The following TUBB4A variants were observed in gnomAD, a reference collection of about 807,000 sequenced individuals.
TUBB4A encodes the protein tubulin beta 4A class IVa.
TUBB4A carries 13 observed loss-of-function variants against 35.1 expected under a neutral mutation model. The ratio of observed to expected loss-of-function variants is 0.37; its 90% CI spans 0.24 to 0.59. The LOEUF is 0.59. TUBB4A is among the 20% of genes least tolerant of loss of function. The pLI, the probability that TUBB4A is intolerant of heterozygous loss-of-function variation, is 0.71. For missense variants in TUBB4A, 299 were observed against 647.2 expected (o/e 0.46, Z 5.84); for synonymous variants, 279 against 272.4 (o/e 1.02, Z -0.24).
chr19:6,502,180 C>T lies in TUBB4A; in HGVS notation c.33G>A (p.Gln11=). MREIVHLQAG[Q]CGNQIGAKFW... is the part of the protein sequence containing the mutation. Reference sequence around the variant, plus strand: ...CCTTGGCCCCGATCTGGTTGCCGCACTGGCCGGCCTGCAGGTGCACGATCT... The same window carrying T: ...CCTTGGCCCCGATCTGGTTGCCGCATTGGCCGGCCTGCAGGTGCACGATCT... The change falls in exon 1 of 4, where the codon CAG becomes CAA. Residue 11 remains glutamine (Q), a synonymous_variant. Coordinates refer to ENST00000264071, the MANE Select transcript of TUBB4A (RefSeq NM_006087.4). 1 of 1,576,460 alleles carries T rather than the reference C, an allele frequency of 6.3e-7. No individual in the cohort carries two copies.
rs1384069433 is a variant in TUBB4A, at chr19:6,502,254, C to G, written c.-42G>C. On this transcript the variant is annotated 5_prime_UTR_variant, in exon 1 of 4. Transcript: ENST00000264071. ...GTGGACGCGGCGGCGGTGGCACGAG[C>G]GCGGGGAGCTGCGGCGGCGGCGAGG... The G allele has an allele frequency of 1.3e-6, 2 of 1,489,232 alleles. No homozygotes were observed. Among genetic ancestry groups the G allele is most frequent in the East Asian group, 2.8e-5 (1 of 36,310 alleles). 92.3% of individuals were successfully genotyped at this position (1,489,232 alleles called of 1,614,324 possible).
Position 6,495,928 on chromosome 19 carries a change from G to A in TUBB4A, c.571C>T (p.Gln191Ter), listed in dbSNP as rs1376427129. 6.2e-7 allele frequency: 1 copy of A among 1,614,098 alleles called. No homozygotes were observed. Among genetic ancestry groups the A allele is most frequent in the Non-Finnish European group, 8.5e-7 (1 of 1,180,044 alleles). Residue 191 changes from glutamine (Q) to a stop codon, truncating the protein, a stop_gained, in exon 4 of 4, where the codon CAG (glutamine) becomes TAG (stop). Coordinates refer to ENST00000264071, the MANE Select transcript of TUBB4A (RefSeq NM_006087.4). LOFTEE classifies it high-confidence loss of function. The surrounding 1 kb of genome is among the most constrained non-coding windows in gnomAD (Gnocchi z 8.7). ...GTCTCATCCGTATTCTCCACCAGCT[G>A]GTGCACAGACAGCGTGGCGTTGTAG... is the stretch of plus-strand genomic sequence containing the variant. ...EPYNATLSVHQLVENTDETYC... is the reference protein window; with the variant it reads ...EPYNATLSVH
At chr19:6,497,024 AATATATATATATATAT>A (rs1192524805) in intron 3 of TUBB4A, among the ~76,000 whole-genome samples, 422 of 21,996 alleles carry the variant, frequency 0.019, 14 homozygotes, top group African/African-American at 0.064. Context: ...AAAAAAAAAA[AATATATATATATATAT>A]ATATATATAT....
In TUBB4A at chr19:6,501,626, A is replaced by G. The variant is rs202169856; in HGVS notation, c.58-3T>C. 1.2e-6 allele frequency: 2 copies of G among 1,611,564 alleles called. No homozygotes were observed. The highest frequency in any genetic ancestry group is 1.7e-5 in the Admixed American group (1 of 59,850). On this transcript the variant is annotated splice_region_variant and splice_polypyrimidine_tract_variant and intron_variant, in intron 1 of 3. Coordinates refer to ENST00000264071, the MANE Select transcript of TUBB4A (RefSeq NM_006087.4). This position sits in a 1 kb window ranked among gnomAD's most constrained non-coding sequence, Gnocchi z 4.2. The stretch of plus-strand genomic sequence containing the variant: ...TCGTCACTGATAACCTCCCAAAACT[A>G]GAGAGAGAGGTGGTCGGAAGAGTTG...
At chr19:6,502,549 C>T (rs1394431213), upstream of TUBB4A, 3 of 267,458 alleles carry the variant, frequency 1.1e-5, no homozygotes, top group Non-Finnish European at 2.1e-5. Flanking sequence ...TCTCCCCCGT[C>T]CCAGCCCCCA....
intron 3 of TUBB4A, among the ~76,000 whole-genome samples, chr19:6,500,260 CTG>C (rs1914469904): frequency 6.6e-6 from 1 of 152,088 alleles, no homozygotes; most frequent in Non-Finnish European, 1.5e-5. Context: ...TCACGAGTAG[CTG>C]TGACTACAGG....
At position 6,496,082 on chromosome 19, in the gene TUBB4A, C is replaced by T. The variant is rs1914167107; in HGVS notation, c.417G>A (p.Leu139=). 5 of 1,614,224 alleles carry T rather than the reference C, an allele frequency of 3.1e-6. No homozygotes were observed. The highest frequency in any genetic ancestry group is 4.2e-6 in the Non-Finnish European group (5 of 1,180,046). ...CLQGFQLTHS[L]GGGTGSGMGT... is the part of the protein sequence containing the mutation. ...CCATTCCGGACCCCGTGCCACCCCC[C>T]AGCGAGTGGGTCAGCTGGAAGCCCT... The change falls in exon 4 of 4, where the codon CTG becomes CTA. Residue 139 remains leucine (L), a synonymous_variant. Coordinates refer to ENST00000264071, the MANE Select transcript of TUBB4A (RefSeq NM_006087.4).
rs1386587020 is a variant in TUBB4A, at chr19:6,495,574, G to A, written c.925C>T (p.Arg309Cys). Residue 309 changes from arginine to cysteine, a missense_variant, in exon 4 of 4, where the codon CGC becomes TGC. Around this residue, in one of 5 missense-constraint regions of TUBB4A, gnomAD observed 125 missense variants for 279.1 expected, o/e 0.45. Transcript: ENST00000264071. The surrounding 1 kb of genome is among the most constrained non-coding windows in gnomAD (Gnocchi z 8.7). ...AACACGGCGGCCACGGTCAGGTAGC[G>A]GCCGTGGCGCGGGTCGCACGCCGCC... ...MMAACDPRHG[R>C]YLTVAAVFRG... 5.6e-6 allele frequency: 9 copies of A among 1,613,882 alleles called. No individual in the cohort carries two copies. The highest frequency in any genetic ancestry group is 4.2e-6 in the Non-Finnish European group (5 of 1,179,952).
At chr19:6,502,050 C>A in intron 1 of TUBB4A, 106 bp downstream of exon 1, 1 of 1,288,810 alleles carries the variant, frequency 7.8e-7, no homozygotes, top group Non-Finnish European at 1.0e-6. Flanking sequence ...CTCCTGGGGA[C>A]CTCATTCCTT....
At position 6,496,070 on chromosome 19, in the gene TUBB4A, C is replaced by G. The variant is rs374559176; in HGVS notation, c.429G>C (p.Thr143=). 1.1e-5 allele frequency: 17 copies of G among 1,614,084 alleles called. No homozygotes were observed. In the African/African-American group the frequency reaches 1.9e-4, roughly 18 times the overall value. The change falls in exon 4 of 4, where the codon ACG becomes ACC. Residue 143 remains threonine (T), a synonymous_variant. Coordinates refer to ENST00000264071, the MANE Select transcript of TUBB4A (RefSeq NM_006087.4). ...FQLTHSLGGG[T]GSGMGTLLIS... Reference sequence around the variant, plus strand: ...TGAGCAGCGTGCCCATTCCGGACCCCGTGCCACCCCCCAGCGAGTGGGTCA... The same window carrying G: ...TGAGCAGCGTGCCCATTCCGGACCCGGTGCCACCCCCCAGCGAGTGGGTCA...
In TUBB4A at chr19:6,501,814, G is replaced by A. The variant is rs1362437399; in HGVS notation, c.58-191C>T. 7 of 605,100 alleles carry A rather than the reference G, an allele frequency of 1.2e-5. No individual in the cohort carries two copies. Among genetic ancestry groups the A allele is most frequent in the Middle Eastern group, 8.6e-4 (2 of 2,316 alleles). 37.5% of individuals were successfully genotyped at this position (605,100 alleles called of 1,614,324 possible). ...AGCGGTGGGGGCGGGGTGCAGCCGA[G>A]TCAGCACCCAGCGGGGCCGGCTGGT... On this transcript the variant is annotated intron_variant, in intron 1 of 3. Coordinates refer to ENST00000264071, the MANE Select transcript of TUBB4A (RefSeq NM_006087.4). The surrounding 1 kb of genome is among the most constrained non-coding windows in gnomAD (Gnocchi z 4.2).
Position 6,494,972 on chromosome 19 carries a change from A to C in TUBB4A, c.*192T>G. ...GAAGAGCTCAAGGGGGTTAAAGATAAATTAGGGCTCAAAGGGGAGCCAGGG... is the reference window on the plus strand; with the variant it reads ...GAAGAGCTCAAGGGGGTTAAAGATACATTAGGGCTCAAAGGGGAGCCAGGG... On this transcript the variant is annotated 3_prime_UTR_variant, in exon 4 of 4. Transcript: ENST00000264071. 1.5e-6 allele frequency: 1 copy of C among 676,136 alleles called. No individual in the cohort carries two copies. The highest frequency in any genetic ancestry group is 2.7e-5 in the East Asian group (1 of 36,618). 41.9% of individuals were successfully genotyped at this position (676,136 alleles called of 1,614,324 possible).
In TUBB4A at chr19:6,501,306, C is replaced by T. The variant is rs922159969; in HGVS notation, c.258G>A (p.Arg86=). The T allele has an allele frequency of 8.1e-6, 13 of 1,613,864 alleles. No individual in the cohort carries two copies. The African/African-American group carries it at 1.6e-4, about 20-fold the overall frequency. Residue 86 remains arginine, a synonymous_variant, in exon 3 of 4, where the codon CGG becomes CGA. Coordinates refer to ENST00000264071, the MANE Select transcript of TUBB4A (RefSeq NM_006087.4). The surrounding 1 kb of genome is among the most constrained non-coding windows in gnomAD (Gnocchi z 4.2). The part of the protein sequence containing the change: ...VRSGPFGQIF[R]PDNFVFGQSG... ...ACTCACCAAACACGAAGTTGTCCGG[C>T]CGAAAGATCTGACCGAAGGGGCCAG...
intron 3 of TUBB4A, among the ~76,000 whole-genome samples, chr19:6,499,668 C>T (rs1048241983): frequency 6.6e-6 from 1 of 152,202 alleles, no homozygotes; most frequent in African/African-American, 2.4e-5. Flanking sequence ...TGCCCTTTGG[C>T]CAGTCCAAAT....
intron 3 of TUBB4A, chr19:6,500,608 G>C (rs566638954): frequency 2.0e-5 from 3 of 152,270 alleles, no homozygotes; most frequent in Admixed American, 2.0e-4. Context: ...GGGTGTGGTG[G>C]TGCATGCCTG....
At chr19:6,502,117 G>C in intron 1 of TUBB4A, 39 bp downstream of exon 1, 1 of 1,533,018 alleles carries the variant, frequency 6.5e-7, no homozygotes, top group Non-Finnish European at 8.7e-7. Context: ...GTGCTCCCCG[G>C]GGCCGCCACT....
In TUBB4A at chr19:6,495,840, G is replaced by C; in HGVS notation, c.659C>G (p.Pro220Arg). The C allele has an allele frequency of 6.2e-7, 1 of 1,614,246 alleles. No individual in the cohort carries two copies. The highest frequency in any genetic ancestry group is 8.5e-7 in the Non-Finnish European group (1 of 1,180,040). ...CAGGTGGTTGAGGTCCCCGTAGGTGGGGGTGGTCAGCTTGAGGGTGCGGAA... is the reference window on the plus strand; with the variant it reads ...CAGGTGGTTGAGGTCCCCGTAGGTGCGGGTGGTCAGCTTGAGGGTGCGGAA... ...ICFRTLKLTT[P>R]TYGDLNHLVS... is the part of the protein sequence containing the mutation. The change falls in exon 4 of 4, where the codon CCC (proline) becomes CGC (arginine). Residue 220 changes from proline to arginine, a missense_variant. This residue lies in a region of TUBB4A where 51 missense variants were observed against 100.3 expected (regional missense o/e 0.51). Transcript: ENST00000264071. The surrounding 1 kb of genome is among the most constrained non-coding windows in gnomAD (Gnocchi z 8.7).
At chr19:6,498,214 A>AG (rs916394974) in intron 3 of TUBB4A, among the ~76,000 whole-genome samples, 1 of 151,282 alleles carries the variant, frequency 6.6e-6, no homozygotes, top group African/African-American at 2.4e-5. Flanking sequence ...TTGTCTCAAA[A>AG]AAAAAAAAAA....
rs558843681 is a variant in TUBB4A, at chr19:6,495,173, C to T, written c.1326G>A (p.Glu442=). 6.2e-6 allele frequency: 10 copies of T among 1,613,776 alleles called. No homozygotes were observed. The East Asian group carries it at 6.7e-5, about 11-fold the overall frequency. ...EGEFEEEAEE[E]VA ...AAGCGATGGGAGCAGCCTAGGCCAC[C>T]TCCTCCTCCGCCTCCTCCTCGAACT... The change falls in exon 4 of 4, where the codon GAG becomes GAA. Residue 442 remains glutamate, a synonymous_variant. Transcript: ENST00000264071. This position sits in a 1 kb window ranked among gnomAD's most constrained non-coding sequence, Gnocchi z 8.7.
Sources: gnomAD v4.1 joint callset for allele counts (sites outside exome capture counted in the v4.1 genomes callset) on GRCh38, gnomAD v4.1.1 for gene constraint, gnomAD v4.1.1 regional missense constraint, Gnocchi (gnomAD v3.1) non-coding constraint, MANE v1.5 for transcripts, NCBI Gene and HGNC (gene_info 2026-07-23, HGNC 2026-07-21) for gene names.